BPGM: variants seen among roughly 807,000 people sequenced by gnomAD.
The protein encoded by BPGM is 2,3-bisphosphoglycerate mutase, erythrocyte.
A neutral mutation model predicts 21.6 loss-of-function variants in BPGM; 15 were observed. That is an observed-to-expected ratio of 0.70 (90% confidence interval 0.47 to 1.07). The LOEUF is 1.07. BPGM is among the 50% of genes least tolerant of loss of function. The pLI is 0.00. For synonymous variants in BPGM, 113 were observed against 116.2 expected, an observed-to-expected ratio of 0.97 and a Z score of 0.18; for missense variants, 273 against 319.0, an observed-to-expected ratio of 0.86 and a Z score of 1.10.
intron 1 of BPGM, among the ~76,000 whole-genome samples, chr7:134,652,820 T>C (rs1795577234): frequency 6.6e-6 from 1 of 152,254 alleles, no homozygotes; most frequent in Non-Finnish European, 1.5e-5. Flanking sequence ...GTTCTTTTTA[T>C]GGTTGAATGA....
At chr7:134,669,788 C>T (rs1795876618) in intron 2 of BPGM, among the ~76,000 whole-genome samples, 1 of 152,098 alleles carries the variant, frequency 6.6e-6, no homozygotes, top group Non-Finnish European at 1.5e-5. Flanking sequence ...ACAAGACATA[C>T]AGAATATTAT....
chr7:134,654,837 A>G (rs1795612850), intron 1 of BPGM, among the ~76,000 whole-genome samples: 1 of 152,192 alleles, frequency 6.6e-6, no homozygotes, highest in Admixed American at 6.5e-5. Flanking sequence ...CCATTTCAGT[A>G]GAGTGGGTAA....
At chr7:134,674,103 G>T (rs780054672) in intron 2 of BPGM, among the ~76,000 whole-genome samples, 4 of 151,964 alleles carry the variant, frequency 2.6e-5, no homozygotes, top group African/African-American at 7.2e-5. Context: ...AGTAGAGACA[G>T]GGTTTCACCA....
intron 1 of BPGM, among the ~76,000 whole-genome samples, chr7:134,647,538 C>A (rs1795480451): frequency 6.6e-6 from 1 of 152,180 alleles, no homozygotes; most frequent in Admixed American, 6.5e-5. Flanking sequence ...TAGAGAAGGT[C>A]AATGAAATGC....
intron 2 of BPGM, among the ~76,000 whole-genome samples, chr7:134,664,614 G>A (rs903078866): frequency 2.0e-5 from 3 of 152,100 alleles, no homozygotes; most frequent in African/African-American, 7.2e-5. Flanking sequence ...ATGCCCAAGA[G>A]GAATGAAAGC....
At position 134,668,006 on chromosome 7, in the gene BPGM, A is replaced by G. The variant is rs565509537; in HGVS notation, c.601+5898A>G. Among the ~76,000 whole-genome samples the G allele has an allele frequency of 1.6e-4, 25 of 152,302 alleles. 2 individuals are homozygous for G. In the South Asian group the frequency reaches 5.0e-3, roughly 30 times the overall value. ...TCTCAAATTGCTTTAAGATCTTTCTACTAAGAGTATGCTAGTATTACTCAT... is the reference window on the plus strand; with the variant it reads ...TCTCAAATTGCTTTAAGATCTTTCTGCTAAGAGTATGCTAGTATTACTCAT... On this transcript the variant is annotated intron_variant, in intron 2 of 2. Transcript: ENST00000344924.
At chr7:134,664,548 A>AGGTATT (rs58536245) in intron 2 of BPGM, among the ~76,000 whole-genome samples, 88,370 of 151,464 alleles carry the variant, frequency 0.58, 26,806 homozygotes, top group East Asian at 0.89. Flanking sequence ...TCACATTATG[A>AGGTATT]GGAGTTTGGG....
chr7:134,649,914 G>T (rs1562965995), intron 1 of BPGM, among the ~76,000 whole-genome samples: 1 of 152,184 alleles, frequency 6.6e-6, no homozygotes, highest in Admixed American at 6.5e-5. Context: ...ACGGGCCTGA[G>T]ATCTGTGCCA....
Position 134,661,216 on chromosome 7 carries a change from C to T in BPGM, c.-61-231C>T, listed in dbSNP as rs551870236. ...AAGTGTTTTGTTATTTTATGTCATG[C>T]AATTAACATGCTATCCAAACATCAG... On this transcript the variant is annotated intron_variant, in intron 1 of 2. Coordinates refer to ENST00000344924, the MANE Select transcript of BPGM (RefSeq NM_001724.5). The surrounding 1 kb of genome is among the most constrained non-coding windows in gnomAD (Gnocchi z 4.6). Among the ~76,000 whole-genome samples the T allele has an allele frequency of 6.6e-6, 1 of 152,296 alleles. No homozygotes were observed. The highest frequency in any genetic ancestry group is 1.5e-5 in the Non-Finnish European group (1 of 68,036).
At chr7:134,665,171 TG>T (rs553213026) in intron 2 of BPGM, among the ~76,000 whole-genome samples, 177 of 151,930 alleles carry the variant, frequency 1.2e-3, no homozygotes, top group Non-Finnish European at 1.9e-3. Flanking sequence ...TAGAAAACAG[TG>T]GGGGGTGGCA....
At position 134,678,939 on chromosome 7, in the gene BPGM, G is replaced by T; in HGVS notation, c.688G>T (p.Gly230Trp). The change falls in exon 3 of 3, where the codon GGG becomes TGG. Residue 230 changes from glycine (G) to tryptophan (W), a missense_variant. Coordinates refer to ENST00000344924, the MANE Select transcript of BPGM (RefSeq NM_001724.5). ...LELDENLRAV[G>W]PHQFLGDQEA... Reference sequence around the variant, plus strand: ...ATTGGATGAAAACCTGCGTGCTGTTGGGCCTCATCAGTTCCTGGGTGACCA... The same window carrying T: ...ATTGGATGAAAACCTGCGTGCTGTTTGGCCTCATCAGTTCCTGGGTGACCA... 3.1e-6 allele frequency: 5 copies of T among 1,613,954 alleles called. No individual in the cohort carries two copies. The highest frequency in any genetic ancestry group is 4.2e-6 in the Non-Finnish European group (5 of 1,179,900).
intron 1 of BPGM, among the ~76,000 whole-genome samples, chr7:134,657,591 C>T (rs1795660339): frequency 6.6e-6 from 1 of 152,182 alleles, no homozygotes. Flanking sequence ...AAGCAGGACG[C>T]TGCCCATCAC....
At chr7:134,655,215 G>A (rs1302702234) in intron 1 of BPGM, among the ~76,000 whole-genome samples, 4 of 152,190 alleles carry the variant, frequency 2.6e-5, no homozygotes, top group Non-Finnish European at 5.9e-5. Context: ...GGGATGGGGA[G>A]TATTTATTCT....
At chr7:134,651,405 G>A (rs959020647) in intron 1 of BPGM, among the ~76,000 whole-genome samples, 1 of 152,162 alleles carries the variant, frequency 6.6e-6, no homozygotes, top group Non-Finnish European at 1.5e-5. Flanking sequence ...AGTCCCAGGA[G>A]TGTCAGTTTG....
At chr7:134,665,629 AAAAT>A (rs1795805295) in intron 2 of BPGM, among the ~76,000 whole-genome samples, 1 of 25,716 alleles carries the variant, frequency 3.9e-5, no homozygotes, top group Non-Finnish European at 5.9e-5. Flanking sequence ...AAAATAAAAT[AAAAT>A]AAAATAAAAA....
intron 2 of BPGM, among the ~76,000 whole-genome samples, chr7:134,676,053 T>C (rs953636215): frequency 6.6e-6 from 1 of 152,258 alleles, no homozygotes; most frequent in Non-Finnish European, 1.5e-5. Flanking sequence ...ATTGTTCTTA[T>C]ATCTGCAGCC....
chr7:134,656,827 A>C (rs976382441), intron 1 of BPGM, among the ~76,000 whole-genome samples: 1 of 152,216 alleles, frequency 6.6e-6, no homozygotes, highest in African/African-American at 2.4e-5. Context: ...CCTTTCCAAC[A>C]GTCGCCCAAA....
rs1459587879 is a variant in BPGM, at chr7:134,679,466, T to C, written c.*435T>C. 6.1e-6 allele frequency: 1 copy of C among 163,918 alleles called. No individual in the cohort carries two copies. Among genetic ancestry groups the C allele is most frequent in the Non-Finnish European group, 1.3e-5 (1 of 74,502 alleles). The allele number at this position is 163,918 out of a possible 1,614,324, so 10.2% of individuals were successfully genotyped here. ...AAGGGATATTAGATAATATACCGTA[T>C]GTATTTATTACTAGTCTTTTCCTCT... On this transcript the variant is annotated 3_prime_UTR_variant, in exon 3 of 3. Transcript: ENST00000344924.
chr7:134,674,473 G>T (rs779101543), intron 2 of BPGM, among the ~76,000 whole-genome samples: 3 of 152,170 alleles, frequency 2.0e-5, no homozygotes, highest in Non-Finnish European at 4.4e-5. Flanking sequence ...TTCACCTGTT[G>T]TGGACATTTC....
Sources: gnomAD v4.1 joint callset for allele counts (sites outside exome capture counted in the v4.1 genomes callset) on GRCh38, gnomAD v4.1.1 for gene constraint, Gnocchi (gnomAD v3.1) non-coding constraint, MANE v1.5 for transcripts, NCBI Gene and HGNC (gene_info 2026-07-23, HGNC 2026-07-21) for gene names.